Variants in DOCK3 observed in about 807,000 individuals in gnomAD.
DOCK3 encodes the protein dedicator of cytokinesis 3, also known as dedicator of cytokinesis protein 3.
Under a neutral mutation model 265.6 loss-of-function variants are expected in DOCK3, and 60 were observed. The ratio of observed to expected loss-of-function variants is 0.23; its 90% CI spans 0.18 to 0.28. DOCK3 has a LOEUF of 0.28. Among genes scored for constraint, DOCK3 ranks in the 10% least tolerant of loss-of-function variants. The pLI is 1.00. For missense variants in DOCK3, 1,981 were observed against 2,594.3 expected (o/e 0.76, Z 5.14); for synonymous variants, 881 against 938.0 (o/e 0.94, Z 1.11).
At chr3:51,142,411 C>T (rs2085104721) in intron 9 of DOCK3, among the ~76,000 whole-genome samples, 1 of 152,150 alleles carries the variant, frequency 6.6e-6, no homozygotes, top group Admixed American at 6.5e-5. Context: ...ACCCTTCTTC[C>T]CCAGCCCTAG....
In DOCK3 at chr3:50,825,140, G is replaced by A. The variant is rs944485062; in HGVS notation, c.122-16535G>A. ...TCAAAGGATAAAAATTTGCTACCAC[G>A]TTGAAAATAACATTTGGAAGTTTTG... On this transcript the variant is annotated intron_variant, in intron 2 of 52. Coordinates refer to ENST00000266037, the MANE Select transcript of DOCK3 (RefSeq NM_004947.5). Among the ~76,000 whole-genome samples the A allele has an allele frequency of 1.1e-4, 17 of 152,240 alleles. 3 individuals carry two copies. The highest frequency in any genetic ancestry group is 2.1e-4 in the South Asian group (1 of 4,822).
intron 3 of DOCK3, among the ~76,000 whole-genome samples, chr3:50,859,364 C>T (rs1435934685): frequency 6.6e-6 from 1 of 151,790 alleles, no homozygotes; most frequent in South Asian, 2.1e-4. Flanking sequence ...ACTACAGGCA[C>T]ATGCCACCAT....
intron 7 of DOCK3, among the ~76,000 whole-genome samples, chr3:51,080,700 G>A (rs2082201585): frequency 6.6e-6 from 1 of 152,158 alleles, no homozygotes; most frequent in South Asian, 2.1e-4. Flanking sequence ...AAATCCTTCT[G>A]TATATAGTTC....
chr3:51,191,252 C>T (rs1219059488), intron 12 of DOCK3, among the ~76,000 whole-genome samples: 1 of 152,190 alleles, frequency 6.6e-6, no homozygotes, highest in African/African-American at 2.4e-5. Flanking sequence ...CGCCTGTCCC[C>T]TGGTTCTGGG....
At chr3:50,897,643 G>C (rs992421528) in intron 4 of DOCK3, among the ~76,000 whole-genome samples, 2 of 151,700 alleles carry the variant, frequency 1.3e-5, no homozygotes, top group African/African-American at 4.8e-5. Context: ...ATTATTTTGA[G>C]ATACGTTCAA....
intron 14 of DOCK3, among the ~76,000 whole-genome samples, chr3:51,215,117 T>G (rs1449585052): frequency 6.6e-6 from 1 of 152,132 alleles, no homozygotes; most frequent in African/African-American, 2.4e-5. Context: ...GTTGAGTTTT[T>G]TTGTTGTTTT....
intron 4 of DOCK3, among the ~76,000 whole-genome samples, chr3:50,930,032 C>G (rs2050971065): frequency 6.6e-6 from 1 of 152,148 alleles, no homozygotes. Context: ...TTTGAGAGTT[C>G]AAATACCTTT....
intron 2 of DOCK3, among the ~76,000 whole-genome samples, chr3:50,793,545 A>T (rs544602039): frequency 6.6e-6 from 1 of 151,348 alleles, no homozygotes; most frequent in South Asian, 2.1e-4. Context: ...TTTAGTAGAG[A>T]CGGGATTTCG....
chr3:50,950,227 G>A (rs1050423256), intron 5 of DOCK3, among the ~76,000 whole-genome samples: 1 of 151,848 alleles, frequency 6.6e-6, no homozygotes, highest in Admixed American at 6.6e-5. Flanking sequence ...TGTATCTGAT[G>A]ATTTCAATAC....
In DOCK3 at chr3:51,362,807, A is replaced by G; in HGVS notation, c.5293+133A>G. Reference sequence around the variant, plus strand: ...GAGAATACTCATTTGTGCTTTTACCACTAAGGACTCGAGAGTTCCTGCCTC... The same window carrying G: ...GAGAATACTCATTTGTGCTTTTACCGCTAAGGACTCGAGAGTTCCTGCCTC... On this transcript the variant is annotated intron_variant, in intron 49 of 52. Transcript: ENST00000266037. The G allele has an allele frequency of 7.5e-6, 10 of 1,332,414 alleles. No individual in the cohort carries two copies. The South Asian group carries it at 1.2e-4, about 16-fold the overall frequency. The allele number at this position is 1,332,414 out of a possible 1,614,324, so 82.5% of individuals were successfully genotyped here.
intron 1 of DOCK3, among the ~76,000 whole-genome samples, chr3:50,740,546 T>G (rs1396063343): frequency 3.9e-5 from 6 of 152,210 alleles, no homozygotes; most frequent in Non-Finnish European, 8.8e-5. Context: ...TGGCCAGTCT[T>G]TTTAATTTTA....
intron 2 of DOCK3, among the ~76,000 whole-genome samples, chr3:50,783,536 TTGA>T (rs1183080002): frequency 2.0e-5 from 3 of 152,174 alleles, no homozygotes; most frequent in Non-Finnish European, 4.4e-5. Context: ...AGCCCATTTT[TTGA>T]TGTGATTATT....
rs146931994 is a variant in DOCK3 at position 50,936,145 on chromosome 3, A to G, written c.315+2068A>G. Among the ~76,000 whole-genome samples, 1,112 of 152,280 alleles carry G rather than the reference A, an allele frequency of 7.3e-3. 6 individuals carry two copies. The highest frequency in any genetic ancestry group is 0.01 in the African/African-American group (430 of 41,572). The stretch of plus-strand genomic sequence containing the variant: ...AATGAAAATGATAGAACTGAAATCT[A>G]TAATAACCAAAATTAAAAAAATATT... On this transcript the variant is annotated intron_variant, in intron 5 of 52. Transcript: ENST00000266037.
chr3:51,230,381 C>G (rs573107681), intron 19 of DOCK3, among the ~76,000 whole-genome samples: 6 of 152,292 alleles, frequency 3.9e-5, no homozygotes, highest in South Asian at 2.1e-4. Context: ...TTTGGTTTTT[C>G]TGTTCTTGCT....
intron 10 of DOCK3, among the ~76,000 whole-genome samples, chr3:51,156,756 C>T (rs1383442845): frequency 1.3e-5 from 2 of 152,132 alleles, no homozygotes; most frequent in African/African-American, 4.8e-5. Flanking sequence ...ATACTTAAGG[C>T]TTCTTTTATT....
At chr3:51,246,682 CT>C (rs1366716784) in intron 21 of DOCK3, 43 bp from the exon 22 acceptor site, 3 of 1,572,866 alleles carry the variant, frequency 1.9e-6, no homozygotes, top group African/African-American at 1.3e-5. Flanking sequence ...AGCTGCATTA[CT>C]TTTGAATTAA....
chr3:51,318,730 T>C (rs1318889005), intron 32 of DOCK3, among the ~76,000 whole-genome samples: 1 of 152,100 alleles, frequency 6.6e-6, no homozygotes, highest in Non-Finnish European at 1.5e-5. Context: ...CTTAATTATA[T>C]TGTTTGAACT....
intron 6 of DOCK3, among the ~76,000 whole-genome samples, chr3:51,065,378 A>G (rs2081555887): frequency 6.6e-6 from 1 of 152,174 alleles, no homozygotes; most frequent in Non-Finnish European, 1.5e-5. Context: ...CCACCAATAA[A>G]TGAAATCTAT....
At chr3:50,966,008 C>A (rs1253006427) in intron 5 of DOCK3, among the ~76,000 whole-genome samples, 4 of 143,438 alleles carry the variant, frequency 2.8e-5, no homozygotes, top group African/African-American at 1.0e-4. Flanking sequence ...AACCACCATT[C>A]TACTCTCTGT....
Sources: gnomAD v4.1 joint callset for allele counts (sites outside exome capture counted in the v4.1 genomes callset) on GRCh38, gnomAD v4.1.1 for gene constraint, MANE v1.5 for transcripts, NCBI Gene and HGNC (gene_info 2026-07-23, HGNC 2026-07-21) for gene names.